Variants in MDFIC2 observed in about 807,000 individuals in gnomAD.
MDFIC2 encodes the protein myoD family inhibitor domain-containing protein 2.
intron 2 of MDFIC2, among the ~76,000 whole-genome samples, chr3:70,252,829 C>T (rs571367905): frequency 6.6e-6 from 1 of 152,222 alleles, no homozygotes; most frequent in Admixed American, 6.5e-5. Flanking sequence ...CCTGTAATCC[C>T]AGCACTTTGG....
intron 2 of MDFIC2, among the ~76,000 whole-genome samples, chr3:70,292,475 A>T (rs191493092): frequency 5.8e-4 from 89 of 152,152 alleles, no homozygotes; most frequent in Non-Finnish European, 1.1e-3. Flanking sequence ...AAATCAGGAA[A>T]CAATCGTAAA....
intron 2 of MDFIC2, among the ~76,000 whole-genome samples, chr3:70,219,731 A>G (rs569249983): frequency 6.6e-6 from 1 of 152,288 alleles, no homozygotes; most frequent in Non-Finnish European, 1.5e-5. Flanking sequence ...AGAAAATATC[A>G]TTAGTAACAC....
chr3:70,263,084 A>G (rs1433638611), intron 2 of MDFIC2, among the ~76,000 whole-genome samples: 1 of 152,048 alleles, frequency 6.6e-6, no homozygotes, highest in African/African-American at 2.4e-5. Flanking sequence ...TCTTTCCTCT[A>G]TATCTTTGAG....
chr3:70,285,532 CTTTATAGCAGCA>C (rs1702152194), intron 2 of MDFIC2, among the ~76,000 whole-genome samples: 1 of 151,932 alleles, frequency 6.6e-6, no homozygotes, highest in African/African-American at 2.4e-5. Context: ...GTGCATGTGT[CTTTATAGCAGCA>C]TGATTTATAG....
Position 70,215,839 on chromosome 3 carries a change from C to T in MDFIC2, c.89-9049G>A, listed in dbSNP as rs530835086. On this transcript the variant is annotated intron_variant, in intron 2 of 3. Coordinates refer to ENST00000567252, the MANE Select transcript of MDFIC2 (RefSeq NM_001364677.1). ...GTGGCGTGTCTTGGTTTTCAGTTGA[C>T]AATGGACTCATCCTTAGGGGAGGTT... Among the ~76,000 whole-genome samples the T allele has an allele frequency of 3.3e-5, 5 of 152,232 alleles. No individual in the cohort carries two copies. The South Asian group carries it at 8.3e-4, about 25-fold the overall frequency.
intron 2 of MDFIC2, among the ~76,000 whole-genome samples, chr3:70,260,144 C>T (rs949035340): frequency 2.0e-5 from 3 of 152,142 alleles, no homozygotes; most frequent in Admixed American, 1.3e-4. Flanking sequence ...ATCAAGGTGT[C>T]GGCAGAGCCA....
chr3:70,296,173 C>G (rs1029567181), intron 2 of MDFIC2, among the ~76,000 whole-genome samples: 1 of 152,070 alleles, frequency 6.6e-6, no homozygotes, highest in Non-Finnish European at 1.5e-5. Context: ...AAACATAAAA[C>G]GAATGAGTCT....
chr3:70,249,996 G>A (rs1701745312), intron 2 of MDFIC2, among the ~76,000 whole-genome samples: 1 of 152,128 alleles, frequency 6.6e-6, no homozygotes, highest in African/African-American at 2.4e-5. Flanking sequence ...AGCTATTTTG[G>A]TGTAAAATCT....
At chr3:70,198,540 T>G (rs974007800) in intron 3 of MDFIC2, among the ~76,000 whole-genome samples, 5 of 152,216 alleles carry the variant, frequency 3.3e-5, no homozygotes, top group Non-Finnish European at 5.9e-5. Flanking sequence ...TATAAAGTTA[T>G]AAGGTGAGTC....
chr3:70,307,427 A>G (rs1164668447), intron 2 of MDFIC2, among the ~76,000 whole-genome samples: 1 of 152,118 alleles, frequency 6.6e-6, no homozygotes, highest in Non-Finnish European at 1.5e-5. Context: ...GGTGTAAGCT[A>G]CAGGCACTGA....
chr3:70,286,540 G>A (rs558683479), intron 2 of MDFIC2, among the ~76,000 whole-genome samples: 41 of 150,840 alleles, frequency 2.7e-4, no homozygotes, highest in Non-Finnish European at 5.2e-4. Flanking sequence ...TTGGTGATGC[G>A]GGCTCTTTTT....
chr3:70,267,176 G>T (rs1326621165), intron 2 of MDFIC2, among the ~76,000 whole-genome samples: 1 of 152,040 alleles, frequency 6.6e-6, no homozygotes, highest in Non-Finnish European at 1.5e-5. Context: ...ATTATGTAGG[G>T]ATTTTATACT....
chr3:70,206,900 A>T (rs1701296825), intron 2 of MDFIC2, 110 bp from the exon 3 acceptor site: 1 of 395,238 alleles, frequency 2.5e-6, no homozygotes, highest in Non-Finnish European at 4.5e-6. Context: ...TTAAAGTCTT[A>T]AGAAAACAAA....
At chr3:70,262,859 A>G (rs1701879906) in intron 2 of MDFIC2, among the ~76,000 whole-genome samples, 1 of 152,168 alleles carries the variant, frequency 6.6e-6, no homozygotes, top group Admixed American at 6.6e-5. Context: ...CCCACAGGTC[A>G]ATAAGGTTGG....
chr3:70,258,714 T>C (rs1701840141), intron 2 of MDFIC2, among the ~76,000 whole-genome samples: 1 of 152,140 alleles, frequency 6.6e-6, no homozygotes, highest in Non-Finnish European at 1.5e-5. Context: ...AATTGAAGCA[T>C]GTTTTTAATA....
chr3:70,248,362 G>A (rs975657425), intron 2 of MDFIC2, among the ~76,000 whole-genome samples: 2 of 151,990 alleles, frequency 1.3e-5, no homozygotes, highest in Non-Finnish European at 2.9e-5. Flanking sequence ...ATTTTGAAAA[G>A]CATGTTATAT....
At chr3:70,289,470 T>C (rs1236851437) in intron 2 of MDFIC2, among the ~76,000 whole-genome samples, 2 of 149,826 alleles carry the variant, frequency 1.3e-5, no homozygotes, top group African/African-American at 4.9e-5. Context: ...TAACCCAACC[T>C]TTCTCTCTGG....
intron 2 of MDFIC2, among the ~76,000 whole-genome samples, chr3:70,298,632 G>A (rs745478283): frequency 1.3e-5 from 2 of 152,156 alleles, no homozygotes; most frequent in East Asian, 1.9e-4. Flanking sequence ...GCTGAAGCTC[G>A]TGTTTAGGGA....
chr3:70,256,287 T>C (rs918350639), intron 2 of MDFIC2, among the ~76,000 whole-genome samples: 2 of 152,200 alleles, frequency 1.3e-5, no homozygotes, highest in Non-Finnish European at 2.9e-5. Context: ...ATTTTCTAAG[T>C]CAGACAGAGA....
Sources: gnomAD v4.1 joint callset for allele counts (sites outside exome capture counted in the v4.1 genomes callset) on GRCh38, gnomAD v4.1.1 for gene constraint, MANE v1.5 for transcripts, NCBI Gene and HGNC (gene_info 2026-07-23, HGNC 2026-07-21) for gene names.